The following RET variants were observed in gnomAD, a reference collection of about 807,000 sequenced individuals.
RET encodes the protein ret proto-oncogene, also known as proto-oncogene tyrosine-protein kinase receptor Ret.
RET carries 19 observed loss-of-function variants against 118.3 expected under a neutral mutation model. That is an observed-to-expected ratio of 0.16 (90% CI 0.11 to 0.24). The LOEUF is 0.24. RET is among the 10% of genes least tolerant of loss of function. The pLI, the probability that RET is intolerant of heterozygous loss-of-function variation, is 1.00. For missense variants in RET, 1,219 were observed against 1,502.1 expected, an observed-to-expected ratio of 0.81 and a Z score of 3.12; for synonymous variants, 597 against 644.1, an observed-to-expected ratio of 0.93 and a Z score of 1.11.
intron 12 of RET, 97 bp from the exon 13 acceptor site, chr10:43,118,276 C>T (rs1838119284): frequency 1.1e-6 from 1 of 951,564 alleles, no homozygotes; most frequent in Non-Finnish European, 1.7e-6. Context: ...TCTGTCTGAA[C>T]TTGGGCAAGG....
chr10:43,082,821 A>T (rs938526258), intron 1 of RET, among the ~76,000 whole-genome samples: 2 of 152,112 alleles, frequency 1.3e-5, no homozygotes, highest in African/African-American at 4.8e-5. Context: ...GACTGGGGAG[A>T]TGTGTGCTCT....
chr10:43,098,370 A>G (rs1837565037), intron 1 of RET, among the ~76,000 whole-genome samples: 1 of 151,460 alleles, frequency 6.6e-6, no homozygotes, highest in Non-Finnish European at 1.5e-5. Flanking sequence ...TTCACTTAGC[A>G]TAATGTGCTC....
At chr10:43,087,467 G>A (rs1224379198) in intron 1 of RET, among the ~76,000 whole-genome samples, 4 of 152,276 alleles carry the variant, frequency 2.6e-5, no homozygotes, top group African/African-American at 9.6e-5. Flanking sequence ...GCACTGAGCT[G>A]TCCATCATCT....
At chr10:43,083,422 G>A (rs551039421) in intron 1 of RET, among the ~76,000 whole-genome samples, 10 of 152,344 alleles carry the variant, frequency 6.6e-5, no homozygotes, top group African/African-American at 2.4e-4. Context: ...TTGTGGCATA[G>A]CCTGGCATGG....
Position 43,077,289 on chromosome 10 carries a change from C to A in RET, c.31C>A (p.Leu11Met), listed in dbSNP as rs587780812. The A allele has an allele frequency of 3.4e-5, 51 of 1,509,608 alleles. No individual in the cohort carries two copies. In the African/African-American group the frequency reaches 7.3e-4, roughly 22 times the overall value. 93.5% of individuals were successfully genotyped at this position (1,509,608 alleles called of 1,614,324 possible). The part of the protein sequence containing the change: MAKATSGAAG[L>M]RLLLLLLLPL... Reference sequence around the variant, plus strand: ...GAAGGCGACGTCCGGTGCCGCGGGGCTGCGTCTGCTGTTGCTGCTGCTGCT... The same window carrying A: ...GAAGGCGACGTCCGGTGCCGCGGGGATGCGTCTGCTGTTGCTGCTGCTGCT... Residue 11 changes from leucine to methionine, a missense_variant, in exon 1 of 20, where the codon CTG becomes ATG. Physicochemically the swap from Leu to Met is conservative, Grantham distance 15. Coordinates refer to ENST00000355710, the MANE Select transcript of RET (RefSeq NM_020975.6).
Position 43,120,183 on chromosome 10 carries a change from T to G in RET, c.2710T>G (p.Ser904Ala), listed in dbSNP as rs1588877711. Residue 904 changes from serine to alanine, a missense_variant, in exon 15 of 20, where the codon TCC becomes GCC. This residue lies in a region of RET where 73 missense variants were observed against 156.5 expected (regional missense o/e 0.47). Coordinates refer to ENST00000355710, the MANE Select transcript of RET (RefSeq NM_020975.6). ...GLSRDVYEED[S>A]YVKRSQGRIP... ...GTCCCGAGATGTTTATGAAGAGGATTCCTACGTGAAGAGGAGCCAGGTGCC... is the reference window on the plus strand; with the variant it reads ...GTCCCGAGATGTTTATGAAGAGGATGCCTACGTGAAGAGGAGCCAGGTGCC... 1 of 1,613,252 alleles carries G rather than the reference T, an allele frequency of 6.2e-7. No individual in the cohort carries two copies. The highest frequency in any genetic ancestry group is 1.7e-5 in the Admixed American group (1 of 60,018).
At chr10:43,108,184 A>G (rs1428797644) in intron 5 of RET, among the ~76,000 whole-genome samples, 3 of 145,988 alleles carry the variant, frequency 2.1e-5, no homozygotes, top group Non-Finnish European at 3.0e-5. Context: ...TGTCTCTACA[A>G]AAAAAAAAAA....
intron 1 of RET, among the ~76,000 whole-genome samples, chr10:43,085,405 C>T (rs1837268366): frequency 6.6e-6 from 1 of 152,206 alleles, no homozygotes; most frequent in Non-Finnish European, 1.5e-5. Flanking sequence ...TGTCTTCTTG[C>T]CTCATCGTCA....
intron 1 of RET, among the ~76,000 whole-genome samples, chr10:43,084,771 A>C (rs1837255247): frequency 6.6e-6 from 1 of 152,066 alleles, no homozygotes; most frequent in Non-Finnish European, 1.5e-5. Context: ...GGCCACGTTG[A>C]GCACCAACAT....
Position 43,109,117 on chromosome 10 carries a change from C to T in RET, c.1150C>T (p.Pro384Ser), listed in dbSNP as rs536298339. ...GGTCAATGACTCAGACTTCCAGGGC[C>T]CAGGAGCGGGCGTCCTCTTGCTCCA... ...VLVNDSDFQG[P>S]GAGVLLLHFN... Residue 384 changes from proline to serine, a missense_variant, in exon 6 of 20, where the codon CCA (proline) becomes TCA (serine). This residue lies in a region of RET where 850 missense variants were observed against 969.6 expected (regional missense o/e 0.88). Transcript: ENST00000355710. 1 of 1,613,828 alleles carries T rather than the reference C, an allele frequency of 6.2e-7. No individual in the cohort carries two copies. The highest frequency in any genetic ancestry group is 1.7e-5 in the Admixed American group (1 of 60,010).
intron 12 of RET, 35 bp from the exon 13 acceptor site, chr10:43,118,338 C>G: frequency 6.4e-7 from 1 of 1,551,416 alleles, no homozygotes; most frequent in Non-Finnish European, 8.9e-7. Flanking sequence ...CTTCCAGGAG[C>G]GATCGTTTGC....
intron 4 of RET, among the ~76,000 whole-genome samples, chr10:43,105,510 C>T (rs1170582811): frequency 1.3e-5 from 2 of 152,180 alleles, no homozygotes; most frequent in Non-Finnish European, 2.9e-5. Context: ...AGGGCACTCC[C>T]TCCCACCAGC....
intron 1 of RET, among the ~76,000 whole-genome samples, chr10:43,088,700 C>T (rs2506021): frequency 0.4 from 60,154 of 151,910 alleles, 12,166 homozygotes; most frequent in South Asian, 0.49. Flanking sequence ...AAATATATGT[C>T]CCTTGCTCCA....
At chr10:43,111,520 G>A (rs2132779693) in intron 7 of RET, 55 bp downstream of exon 7, 3 of 1,569,434 alleles carry the variant, frequency 1.9e-6, no homozygotes, top group Non-Finnish European at 2.6e-6. Flanking sequence ...TCTGGAGCCT[G>A]GGCCTCCTGC....
At chr10:43,101,248 TG>T (rs1261720518) in intron 2 of RET, among the ~76,000 whole-genome samples, 4 of 109,124 alleles carry the variant, frequency 3.7e-5, no homozygotes, top group Non-Finnish European at 3.8e-5. Flanking sequence ...ATGGGAGGGG[TG>T]GGGGGGAAGC....
At chr10:43,123,544 G>C in intron 16 of RET, 127 bp from the exon 17 acceptor site, 1 of 1,259,180 alleles carries the variant, frequency 7.9e-7, no homozygotes, top group Non-Finnish European at 1.2e-6. Flanking sequence ...GCTGACATCT[G>C]TGAGCATCTG....
At chr10:43,100,350 T>A (rs1837609196) in intron 1 of RET, 109 bp from the exon 2 acceptor site, 1 of 1,320,356 alleles carries the variant, frequency 7.6e-7, no homozygotes, top group Non-Finnish European at 1.1e-6. Context: ...GGAACAGAGA[T>A]GAAAAACTCC....
rs761325339 is a variant in RET at position 43,100,658 on chromosome 10, C to T, written c.273C>T (p.Asp91=). 1.9e-5 allele frequency: 31 copies of T among 1,612,272 alleles called. No individual in the cohort carries two copies. Among genetic ancestry groups the T allele is most frequent in the Non-Finnish European group, 2.6e-5 (31 of 1,179,444 alleles). The change falls in exon 2 of 20, where the codon GAC becomes GAT. Residue 91 remains aspartate, a synonymous_variant. Transcript: ENST00000355710. ...ACAACTGGATCTGCATCCAGGAGGA[C>T]ACCGGCCTCCTCTACCTTAACCGGA... ...HENNWICIQE[D]TGLLYLNRSL... is the part of the protein sequence containing the mutation.
At position 43,128,369 on chromosome 10, in the gene RET, C is replaced by T. The variant is rs989798683; in HGVS notation, c.*100C>T. On this transcript the variant is annotated 3_prime_UTR_variant, in exon 20 of 20. Coordinates refer to ENST00000355710, the MANE Select transcript of RET (RefSeq NM_020975.6). Reference sequence around the variant, plus strand: ...TTTGTGAACGTCACATTGGCCGAGCCGTGTTCAGTTCCCAGGTGGCAGACT... The same window carrying T: ...TTTGTGAACGTCACATTGGCCGAGCTGTGTTCAGTTCCCAGGTGGCAGACT... The T allele has an allele frequency of 2.3e-5, 33 of 1,407,792 alleles. 2 individuals carry two copies. Among genetic ancestry groups the T allele is most frequent in the South Asian group, 1.9e-4 (16 of 86,264 alleles). 87.2% of individuals were successfully genotyped at this position (1,407,792 alleles called of 1,614,324 possible).
Sources: allele counts gnomAD v4.1 joint callset (sites outside exome capture counted in the v4.1 genomes callset), GRCh38; gene constraint gnomAD v4.1.1; regional missense constraint gnomAD v4.1.1; transcripts MANE v1.5; gene names NCBI Gene and HGNC (gene_info 2026-07-23, HGNC 2026-07-21).